FBXW7: variants seen among roughly 807,000 people sequenced by gnomAD.
The protein encoded by FBXW7 is F-box/WD repeat-containing protein 7.
A neutral mutation model predicts 86.3 loss-of-function variants in FBXW7; 11 were observed. That is an observed-to-expected ratio of 0.13 (90% CI 0.08 to 0.21). FBXW7 has a LOEUF of 0.21. FBXW7 is among the 10% of genes least tolerant of loss of function. FBXW7 has a pLI of 1.00. For synonymous variants in FBXW7, 313 were observed against 297.9 expected (o/e 1.05, Z -0.52); for missense variants, 488 against 847.4 (o/e 0.58, Z 5.27).
intron 4 of FBXW7, among the ~76,000 whole-genome samples, chr4:152,353,306 G>T (rs1367152790): frequency 1.3e-5 from 2 of 152,084 alleles, no homozygotes; most frequent in East Asian, 3.9e-4. Context: ...GGGGTTGACT[G>T]ACAATAAAGT....
At chr4:152,496,972 G>T (rs1344738032) in intron 2 of FBXW7, among the ~76,000 whole-genome samples, 2 of 152,152 alleles carry the variant, frequency 1.3e-5, no homozygotes, top group Non-Finnish European at 2.9e-5. Flanking sequence ...TGATACAGAA[G>T]AGAGATTCTA....
chr4:152,379,805 T>C (rs764363096), intron 4 of FBXW7, among the ~76,000 whole-genome samples: 3 of 152,228 alleles, frequency 2.0e-5, no homozygotes, highest in Non-Finnish European at 4.4e-5. Context: ...ATTTATATAA[T>C]ACATTAACTA....
At chr4:152,323,210 A>G in intron 13 of FBXW7, 61 bp from the exon 14 acceptor site, 8 of 1,537,478 alleles carry the variant, frequency 5.2e-6, no homozygotes, top group Non-Finnish European at 7.0e-6. Flanking sequence ...AGTTAGTTAC[A>G]TTATAATTTG....
intron 2 of FBXW7, among the ~76,000 whole-genome samples, chr4:152,508,045 G>A (rs1413986301): frequency 6.6e-6 from 1 of 151,866 alleles, no homozygotes; most frequent in Middle Eastern, 3.4e-3. Context: ...ACTCCAGCCT[G>A]AGTGACACAG....
Position 152,350,093 on chromosome 4 carries a change from A to C in FBXW7, c.533T>G (p.Val178Gly), listed in dbSNP as rs1731661279. The C allele has an allele frequency of 6.4e-7, 1 of 1,565,712 alleles. No individual in the cohort carries two copies. The highest frequency in any genetic ancestry group is 8.7e-7 in the Non-Finnish European group (1 of 1,151,192). Residue 178 changes from valine (V) to glycine (G), a missense_variant, in exon 5 of 14, where the codon GTC becomes GGC. By Grantham distance (109) the Val-to-Gly change is moderately radical (BLOSUM62 -3). Transcript: ENST00000281708. ...TTTCTTTCCCAAAGAAAAAGAGCGG[A>C]CCTCAGAACCATGGTCCAACTTTCT... ...MKRKLDHGSEVRSFSLGKKPC... is the reference protein window; with the variant it reads ...MKRKLDHGSEGRSFSLGKKPC...
At chr4:152,437,795 A>T (rs1313721696) in intron 2 of FBXW7, among the ~76,000 whole-genome samples, 1 of 152,222 alleles carries the variant, frequency 6.6e-6, no homozygotes, top group Non-Finnish European at 1.5e-5. Context: ...ATCAGTCAGC[A>T]GCCATCAACA....
chr4:152,527,865 TACACACAC>T (rs149379203), intron 2 of FBXW7, among the ~76,000 whole-genome samples: 44 of 137,476 alleles, frequency 3.2e-4, no homozygotes, highest in Middle Eastern at 3.6e-3. Flanking sequence ...AAAAATTATA[TACACACAC>T]ACACACACAC....
chr4:152,449,896 G>A (rs1741755311), intron 2 of FBXW7, among the ~76,000 whole-genome samples: 1 of 152,124 alleles, frequency 6.6e-6, no homozygotes, highest in Non-Finnish European at 1.5e-5. Context: ...TCAAATTACT[G>A]TAACTTAAAT....
At chr4:152,414,160 A>AC (rs1282366288) in intron 2 of FBXW7, among the ~76,000 whole-genome samples, 1 of 152,164 alleles carries the variant, frequency 6.6e-6, no homozygotes, top group African/African-American at 2.4e-5. Flanking sequence ...ACTCATGGTC[A>AC]ACAGCATTAT....
chr4:152,338,488 T>C (rs909859535), intron 6 of FBXW7, among the ~76,000 whole-genome samples: 12 of 151,568 alleles, frequency 7.9e-5, no homozygotes, highest in Non-Finnish European at 1.5e-4. Context: ...CAATAGAAAA[T>C]AGAATAAACA....
chr4:152,417,514 C>T (rs1179936230), intron 2 of FBXW7, among the ~76,000 whole-genome samples: 2 of 151,932 alleles, frequency 1.3e-5, no homozygotes, highest in Admixed American at 6.6e-5. Flanking sequence ...TGAGGGATGG[C>T]GGCGGGGAGG....
chr4:152,418,897 CA>C (rs1197971282), intron 2 of FBXW7, among the ~76,000 whole-genome samples: 2 of 151,940 alleles, frequency 1.3e-5, no homozygotes, highest in Non-Finnish European at 2.9e-5. Context: ...GGACAAAAAA[CA>C]AATATAATTT....
At chr4:152,442,551 G>A (rs1740988892) in intron 2 of FBXW7, among the ~76,000 whole-genome samples, 1 of 152,156 alleles carries the variant, frequency 6.6e-6, no homozygotes, top group East Asian at 1.9e-4. Flanking sequence ...TGGCTTCTCT[G>A]TTTTAGTATT....
At chr4:152,459,683 A>C (rs1742764532) in intron 2 of FBXW7, among the ~76,000 whole-genome samples, 1 of 152,240 alleles carries the variant, frequency 6.6e-6, no homozygotes, top group Non-Finnish European at 1.5e-5. Flanking sequence ...ACCAAACTCT[A>C]TATATACTAT....
At chr4:152,458,511 C>T (rs966467825) in intron 2 of FBXW7, among the ~76,000 whole-genome samples, 1 of 152,168 alleles carries the variant, frequency 6.6e-6, no homozygotes, top group Non-Finnish European at 1.5e-5. Context: ...ATACATCATC[C>T]AGCATTATTA....
intron 2 of FBXW7, among the ~76,000 whole-genome samples, chr4:152,417,577 C>T (rs995988553): frequency 6.6e-6 from 1 of 152,034 alleles, no homozygotes; most frequent in Admixed American, 6.6e-5. Flanking sequence ...CTCTAAGAAG[C>T]ATGAGGAATA....
intron 2 of FBXW7, among the ~76,000 whole-genome samples, chr4:152,433,047 C>T (rs923608422): frequency 1.3e-5 from 2 of 151,970 alleles, no homozygotes; most frequent in African/African-American, 4.8e-5. Context: ...TTCGTGTTGT[C>T]GCATGTATCA....
intron 2 of FBXW7, among the ~76,000 whole-genome samples, chr4:152,455,484 C>T (rs193244973): frequency 2.0e-5 from 3 of 152,336 alleles, no homozygotes; most frequent in Admixed American, 6.5e-5. Flanking sequence ...CTGTGCTCCT[C>T]ACTTCCTTCT....
intron 4 of FBXW7, among the ~76,000 whole-genome samples, chr4:152,362,427 AGAT>A (rs1733052009): frequency 1.3e-5 from 2 of 152,176 alleles, no homozygotes; most frequent in Non-Finnish European, 2.9e-5. Context: ...TTAGTTCATG[AGAT>A]GATAAAGAAG....
Sources: gnomAD v4.1 joint callset for allele counts (sites outside exome capture counted in the v4.1 genomes callset) on GRCh38, gnomAD v4.1.1 for gene constraint, MANE v1.5 for transcripts, NCBI Gene and HGNC (gene_info 2026-07-23, HGNC 2026-07-21) for gene names.